PDE3A: variants seen among roughly 807,000 people sequenced by gnomAD.
PDE3A encodes the protein phosphodiesterase 3A.
A neutral mutation model predicts 98.3 loss-of-function variants in PDE3A; 43 were observed. The observed-to-expected ratio is 0.44, with a 90% CI of 0.34 to 0.56. The LOEUF is 0.56. Among genes scored for constraint, PDE3A ranks in the 20% least tolerant of loss-of-function variants. The pLI is 0.01. For missense variants in PDE3A, 1,427 were observed against 1,440.7 expected (o/e 0.99, Z 0.15); for synonymous variants, 663 against 567.9 (o/e 1.17, Z -2.38).
Position 20,687,939 on chromosome 12 carries a change from T to TAAAAAAAAAAAAAAAAA in PDE3A, c.*7668_*7669insAAAAAAAAAAAAAAAAA. 1.1e-5 allele frequency among the ~76,000 whole-genome samples: 1 copy of TAAAAAAAAAAAAAAAAA among 87,234 alleles called. No individual in the cohort carries two copies. The highest frequency in any genetic ancestry group is 4.4e-5 in the African/African-American group (1 of 22,610). 57.2% of individuals were successfully genotyped at this position (87,234 alleles called of 152,430 possible). ...GAAAAAAAAAAAAAAAAAAAAAAACTGGCATTGGCAAGTTTTAATTAATAT... is the reference window on the plus strand; with the variant it reads ...GAAAAAAAAAAAAAAAAAAAAAAACTAAAAAAAAAAAAAAAAAGGCATTGGCAAGTTTTAATTAATAT... On this transcript the variant is annotated 3_prime_UTR_variant, in exon 16 of 16. Coordinates refer to ENST00000359062, the MANE Select transcript of PDE3A (RefSeq NM_000921.5).
At position 20,583,585 on chromosome 12, in the gene PDE3A, C is replaced by G. The variant is rs376855133; in HGVS notation, c.1011+26875C>G. On this transcript the variant is annotated intron_variant, in intron 2 of 15. Coordinates refer to ENST00000359062, the MANE Select transcript of PDE3A (RefSeq NM_000921.5). The stretch of plus-strand genomic sequence containing the variant: ...CACTTACTAGATGGGAGACCTTGGG[C>G]AACTTACTTAAACTCTATGAGCTAA... Among the ~76,000 whole-genome samples, 63 of 152,152 alleles carry G rather than the reference C, an allele frequency of 4.1e-4. 1 individual carries two copies. In the South Asian group the frequency reaches 6.8e-3, roughly 17 times the overall value.
Position 20,586,782 on chromosome 12 carries a change from A to C in PDE3A, c.1012-26661A>C, listed in dbSNP as rs183682845. ...ACAGCAATGTAACTAAGCAATTCCAAGATTGCTTAGTACTTACTACTTAGC... is the reference window on the plus strand; with the variant it reads ...ACAGCAATGTAACTAAGCAATTCCACGATTGCTTAGTACTTACTACTTAGC... On this transcript the variant is annotated intron_variant, in intron 2 of 15. Coordinates refer to ENST00000359062, the MANE Select transcript of PDE3A (RefSeq NM_000921.5). Among the ~76,000 whole-genome samples, 563 of 152,342 alleles carry C rather than the reference A, an allele frequency of 3.7e-3. 2 individuals are homozygous for C. Among genetic ancestry groups the C allele is most frequent in the African/African-American group, 0.013 (539 of 41,580 alleles).
rs1945773597 is a variant in PDE3A at position 20,681,166 on chromosome 12, TCA to T, written c.*897_*898del. On this transcript the variant is annotated 3_prime_UTR_variant, in exon 16 of 16. Transcript: ENST00000359062. ...CTATGCACCACTTGAAGGAGCTCTATCACCAGCCTCAAACCCGAAAGACTGAG... is the reference window on the plus strand; with the variant it reads ...CTATGCACCACTTGAAGGAGCTCTATCCAGCCTCAAACCCGAAAGACTGAG... The T allele has an allele frequency of 6.6e-6, 1 of 152,234 alleles. No individual in the cohort carries two copies. The highest frequency in any genetic ancestry group is 1.5e-5 in the Non-Finnish European group (1 of 68,062). 9.4% of individuals were successfully genotyped at this position (152,234 alleles called of 1,614,324 possible).
At chr12:20,422,310 C>G (rs903005504) in intron 1 of PDE3A, among the ~76,000 whole-genome samples, 5 of 151,756 alleles carry the variant, frequency 3.3e-5, no homozygotes, top group Non-Finnish European at 2.9e-5. Flanking sequence ...CACCACTGCA[C>G]TCCAGCCTGG....
chr12:20,462,874 T>C (rs1195302908), intron 1 of PDE3A, among the ~76,000 whole-genome samples: 1 of 152,008 alleles, frequency 6.6e-6, no homozygotes, highest in Non-Finnish European at 1.5e-5. Flanking sequence ...ACTGTAGCCT[T>C]GACCTTCCAG....
intron 1 of PDE3A, among the ~76,000 whole-genome samples, chr12:20,414,906 T>C (rs919576987): frequency 6.6e-6 from 1 of 152,058 alleles, no homozygotes; most frequent in African/African-American, 2.4e-5. Context: ...TATAAACCAC[T>C]ATTAGACCTA....
chr12:20,405,390 A>T (rs1944214253), intron 1 of PDE3A, among the ~76,000 whole-genome samples: 1 of 152,066 alleles, frequency 6.6e-6, no homozygotes, highest in Admixed American at 6.6e-5. Flanking sequence ...TTCTGTGCTT[A>T]CTAGAATCCT....
chr12:20,568,339 G>T (rs145382095), intron 2 of PDE3A, among the ~76,000 whole-genome samples: 8 of 151,936 alleles, frequency 5.3e-5, no homozygotes, highest in Admixed American at 3.3e-4. Flanking sequence ...TTTATCTGGA[G>T]TGAATTTCTG....
chr12:20,673,248 G>A (rs1945538777), intron 15 of PDE3A, among the ~76,000 whole-genome samples: 1 of 151,716 alleles, frequency 6.6e-6, no homozygotes, highest in Non-Finnish European at 1.5e-5. Flanking sequence ...TTACACTGTT[G>A]GTGGGACTGT....
intron 1 of PDE3A, among the ~76,000 whole-genome samples, chr12:20,473,136 A>T (rs1945469573): frequency 6.6e-6 from 1 of 152,134 alleles, no homozygotes. Flanking sequence ...TTTTAGATAA[A>T]ATCTTTGAAT....
intron 1 of PDE3A, among the ~76,000 whole-genome samples, chr12:20,437,733 C>G (rs1013855614): frequency 6.6e-6 from 1 of 152,114 alleles, no homozygotes; most frequent in South Asian, 2.1e-4. Flanking sequence ...ATCAGGCCTA[C>G]CTCCAACATT....
At chr12:20,673,223 G>A (rs1481859855) in intron 15 of PDE3A, among the ~76,000 whole-genome samples, 2 of 152,080 alleles carry the variant, frequency 1.3e-5, no homozygotes, top group Admixed American at 6.6e-5. Flanking sequence ...AGGATGTGGA[G>A]AAATAGGAAC....
chr12:20,551,450 T>C (rs1942194687), intron 1 of PDE3A: 8 of 608,286 alleles, frequency 1.3e-5, no homozygotes, highest in Admixed American at 3.0e-5. Context: ...GATTGATAGC[T>C]CTTTCTCGAT....
intron 1 of PDE3A, among the ~76,000 whole-genome samples, chr12:20,444,906 A>AAT (rs1450741856): frequency 6.6e-6 from 1 of 152,164 alleles, no homozygotes; most frequent in Non-Finnish European, 1.5e-5. Flanking sequence ...ATTCAAAGTA[A>AAT]ATCAGTTTGT....
Position 20,653,952 on chromosome 12 carries a change from T to C in PDE3A, c.2931T>C (p.Asp977=), listed in dbSNP as rs772574658. ...GIVNEFYEQG[D]EEASLGLPIS... is the part of the protein sequence containing the mutation. ...CACTTGTATTTTATTTCTAGGGTGATGAAGAGGCCAGCCTTGGATTACCCA... is the reference window on the plus strand; with the variant it reads ...CACTTGTATTTTATTTCTAGGGTGACGAAGAGGCCAGCCTTGGATTACCCA... Residue 977 remains aspartate (D), a synonymous_variant, in exon 15 of 16, where the codon GAT becomes GAC. Transcript: ENST00000359062. 14 of 1,613,758 alleles carry C rather than the reference T, an allele frequency of 8.7e-6. No homozygotes were observed. The highest frequency in any genetic ancestry group is 1.0e-5 in the Non-Finnish European group (12 of 1,179,876).
intron 1 of PDE3A, among the ~76,000 whole-genome samples, chr12:20,379,828 G>A (rs1305086096): frequency 6.6e-6 from 1 of 151,164 alleles, no homozygotes; most frequent in Non-Finnish European, 1.5e-5. Flanking sequence ...GTTACATAAG[G>A]GGTTGCATTT....
intron 2 of PDE3A, among the ~76,000 whole-genome samples, chr12:20,611,077 T>C (rs1943838175): frequency 6.6e-6 from 1 of 151,950 alleles, no homozygotes; most frequent in South Asian, 2.1e-4. Context: ...TGCAAGACGC[T>C]AGATAATGTT....
intron 5 of PDE3A, among the ~76,000 whole-genome samples, chr12:20,621,926 A>G (rs981284590): frequency 1.3e-5 from 2 of 152,114 alleles, no homozygotes; most frequent in Non-Finnish European, 2.9e-5. Context: ...CCAAAACTGT[A>G]AAAGGAGTTT....
chr12:20,405,184 G>A (rs1944210626), intron 1 of PDE3A, among the ~76,000 whole-genome samples: 1 of 152,068 alleles, frequency 6.6e-6, no homozygotes, highest in Non-Finnish European at 1.5e-5. Context: ...CCCCTCAGCA[G>A]TTTTTCTCTA....
Sources: gnomAD v4.1 joint callset for allele counts (sites outside exome capture counted in the v4.1 genomes callset) on GRCh38, gnomAD v4.1.1 for gene constraint, MANE v1.5 for transcripts, NCBI Gene and HGNC (gene_info 2026-07-23, HGNC 2026-07-21) for gene names.